Variants in ASIC2 observed in about 807,000 individuals in gnomAD.
ASIC2 encodes the protein acid sensing ion channel subunit 2.
ASIC2 carries 25 observed loss-of-function variants against 57.3 expected under a neutral mutation model. That is an observed-to-expected ratio of 0.44 (90% CI 0.32 to 0.61). The LOEUF (loss-of-function observed/expected upper bound fraction) is 0.61, where lower values mean the gene tolerates loss of function less well. Among genes scored for constraint, ASIC2 ranks in the 20% least tolerant of loss-of-function variants. ASIC2 has a pLI of 0.06. For synonymous variants in ASIC2, 319 were observed against 307.5 expected, an observed-to-expected ratio of 1.04 and a Z score of -0.39; for missense variants, 641 against 738.1, an observed-to-expected ratio of 0.87 and a Z score of 1.52.
At chr17:33,313,261 T>C (rs11657151) in intron 1 of ASIC2, among the ~76,000 whole-genome samples, 47,928 of 150,990 alleles carry the variant, frequency 0.32, 8,016 homozygotes, top group South Asian at 0.48. Flanking sequence ...CAGGAGTTTG[T>C]GGTTTCAGTG....
intron 1 of ASIC2, among the ~76,000 whole-genome samples, chr17:33,130,247 C>T (rs993243807): frequency 3.3e-4 from 50 of 152,136 alleles, no homozygotes; most frequent in African/African-American, 1.1e-3. Flanking sequence ...AAAAAAGCGA[C>T]GTTAAATTCT....
intron 1 of ASIC2, among the ~76,000 whole-genome samples, chr17:34,015,138 G>A (rs1254359468): frequency 2.0e-5 from 3 of 149,982 alleles, no homozygotes; most frequent in Non-Finnish European, 4.4e-5. Flanking sequence ...CAAACTCCTG[G>A]GCTCAAGAGA....
At chr17:34,034,709 A>T (rs938054472) in intron 1 of ASIC2, among the ~76,000 whole-genome samples, 1 of 152,212 alleles carries the variant, frequency 6.6e-6, no homozygotes, top group Non-Finnish European at 1.5e-5. Context: ...GCATTCTTAT[A>T]CACCAATAAC....
chr17:34,082,596 A>G (rs1035124025), intron 1 of ASIC2, among the ~76,000 whole-genome samples: 1 of 152,208 alleles, frequency 6.6e-6, no homozygotes, highest in Non-Finnish European at 1.5e-5. Context: ...GGGAGTCCCC[A>G]GTCCACTCAA....
chr17:33,314,398 T>A (rs1190285080), intron 1 of ASIC2, among the ~76,000 whole-genome samples: 4 of 152,220 alleles, frequency 2.6e-5, no homozygotes, highest in Non-Finnish European at 5.9e-5. Flanking sequence ...AGCATGCATA[T>A]TTCCAAGAAC....
intron 1 of ASIC2, among the ~76,000 whole-genome samples, chr17:33,441,461 C>T (rs750228980): frequency 5.3e-5 from 8 of 152,030 alleles, no homozygotes; most frequent in Non-Finnish European, 7.4e-5. Flanking sequence ...GTCTATGTTC[C>T]AGTTTGAATT....
intron 1 of ASIC2, among the ~76,000 whole-genome samples, chr17:34,130,446 C>CTA (rs1911918117): frequency 6.6e-6 from 1 of 152,192 alleles, no homozygotes; most frequent in Non-Finnish European, 1.5e-5. Context: ...AACACAGAAC[C>CTA]TATATCTAAC....
chr17:33,317,059 G>A (rs923823587), intron 1 of ASIC2, among the ~76,000 whole-genome samples: 16 of 152,352 alleles, frequency 1.1e-4, no homozygotes, highest in African/African-American at 3.8e-4. Flanking sequence ...GCTTAGGCCC[G>A]ATCTTGGGTA....
At chr17:33,922,320 C>T (rs1361040798) in intron 1 of ASIC2, among the ~76,000 whole-genome samples, 1 of 152,070 alleles carries the variant, frequency 6.6e-6, no homozygotes, top group East Asian at 1.9e-4. Context: ...TCCTTCCTTC[C>T]TTCCTTTTCT....
intron 1 of ASIC2, among the ~76,000 whole-genome samples, chr17:33,991,891 T>C (rs1906009221): frequency 6.6e-6 from 1 of 152,230 alleles, no homozygotes; most frequent in Non-Finnish European, 1.5e-5. Context: ...ATTTCCTTTC[T>C]GCCCATAACC....
chr17:33,408,222 CCAA>C (rs1241621301), intron 1 of ASIC2, among the ~76,000 whole-genome samples: 2 of 152,174 alleles, frequency 1.3e-5, no homozygotes, highest in African/African-American at 4.8e-5. Context: ...AATTCAATAA[CCAA>C]CGTTTGTTGC....
chr17:33,496,616 T>G (rs1913941603), intron 1 of ASIC2, among the ~76,000 whole-genome samples: 3 of 83,544 alleles, frequency 3.6e-5, no homozygotes, highest in Admixed American at 1.2e-4. Flanking sequence ...TTTTTTTTTT[T>G]TTTTTTTTTT....
intron 1 of ASIC2, among the ~76,000 whole-genome samples, chr17:34,030,263 C>A (rs1038193643): frequency 2.6e-5 from 4 of 152,216 alleles, no homozygotes; most frequent in Non-Finnish European, 5.9e-5. Flanking sequence ...ACCCTTCCAG[C>A]ACCACTTTCA....
At chr17:33,718,196 C>T (rs1293199395) in intron 1 of ASIC2, among the ~76,000 whole-genome samples, 2 of 152,178 alleles carry the variant, frequency 1.3e-5, no homozygotes, top group Admixed American at 1.3e-4. Flanking sequence ...AGCCCTAATA[C>T]AATGTAAATG....
intron 1 of ASIC2, among the ~76,000 whole-genome samples, chr17:33,379,747 C>G (rs985575555): frequency 1.3e-5 from 2 of 152,164 alleles, no homozygotes; most frequent in African/African-American, 4.8e-5. Flanking sequence ...ATTCATTTTA[C>G]CGTTGCTAAT....
intron 1 of ASIC2, among the ~76,000 whole-genome samples, chr17:33,859,962 G>A (rs920133206): frequency 6.6e-6 from 1 of 152,140 alleles, no homozygotes; most frequent in African/African-American, 2.4e-5. Context: ...GGGATTACAG[G>A]CATGAGACAC....
At chr17:33,734,524 C>A (rs1390567412) in intron 1 of ASIC2, among the ~76,000 whole-genome samples, 1 of 152,208 alleles carries the variant, frequency 6.6e-6, no homozygotes, top group Non-Finnish European at 1.5e-5. Flanking sequence ...AATCTCATCT[C>A]ATTTCCTACC....
At chr17:33,256,671 A>C (rs1909090578) in intron 1 of ASIC2, among the ~76,000 whole-genome samples, 1 of 152,172 alleles carries the variant, frequency 6.6e-6, no homozygotes, top group Non-Finnish European at 1.5e-5. Context: ...ATCTCTACTA[A>C]AAATACAGAA....
intron 1 of ASIC2, among the ~76,000 whole-genome samples, chr17:33,401,541 CA>C (rs1910287669): frequency 6.6e-6 from 1 of 152,306 alleles, no homozygotes; most frequent in African/African-American, 2.4e-5. Context: ...TGATGGAATA[CA>C]ACCTCAGCTC....
Sources: gnomAD v4.1 joint callset for allele counts (sites outside exome capture counted in the v4.1 genomes callset) on GRCh38, gnomAD v4.1.1 for gene constraint, MANE v1.5 for transcripts, NCBI Gene and HGNC (gene_info 2026-07-23, HGNC 2026-07-21) for gene names.